MAGI2: variants seen among roughly 807,000 people sequenced by gnomAD.
MAGI2 encodes the protein membrane-associated guanylate kinase, WW and PDZ domain-containing protein 2.
MAGI2 carries 35 observed loss-of-function variants against 133.3 expected under a neutral mutation model. The observed-to-expected ratio is 0.26, with a 90% CI of 0.20 to 0.35. The LOEUF (loss-of-function observed/expected upper bound fraction) is 0.35, where lower values mean the gene tolerates loss of function less well. MAGI2 is among the 10% of genes least tolerant of loss of function. The probability of loss-of-function intolerance (pLI) is 1.00; values close to 1 mark genes in which losing one functional copy is unlikely to be tolerated. For missense variants in MAGI2, 1,636 were observed against 1,863.4 expected (o/e 0.88, Z 2.25); for synonymous variants, 729 against 710.6 (o/e 1.03, Z -0.41).
chr7:79,000,468 A>G (rs1806747238), intron 2 of MAGI2: 1 of 152,168 alleles, frequency 6.6e-6, no homozygotes, highest in Admixed American at 6.5e-5. Context: ...TTTCCCACAA[A>G]GTATACTAGA....
At chr7:79,163,626 G>C (rs1362890205) in intron 1 of MAGI2, among the ~76,000 whole-genome samples, 1 of 152,008 alleles carries the variant, frequency 6.6e-6, no homozygotes, top group Non-Finnish European at 1.5e-5. Context: ...CCTCAAATAA[G>C]ATTTATGATA....
At chr7:78,279,827 A>G (rs13221264) in intron 9 of MAGI2, among the ~76,000 whole-genome samples, 24,509 of 152,146 alleles carry the variant, frequency 0.16, 2,534 homozygotes, top group Middle Eastern at 0.28. Context: ...TCTGGCTCCA[A>G]TAGCAGGATC....
At chr7:79,081,098 C>T (rs1303018333) in intron 1 of MAGI2, among the ~76,000 whole-genome samples, 2 of 152,178 alleles carry the variant, frequency 1.3e-5, no homozygotes, top group African/African-American at 2.4e-5. Flanking sequence ...CAACCCCTGA[C>T]TTACATGCCC....
intron 3 of MAGI2, chr7:78,614,370 A>ATT (rs1806834969): frequency 6.6e-6 from 1 of 152,032 alleles, no homozygotes; most frequent in Admixed American, 6.5e-5. Context: ...ATAAACTTGT[A>ATT]AATTCACATT....
chr7:78,108,195 A>C (rs989727859), intron 20 of MAGI2, among the ~76,000 whole-genome samples: 1 of 152,046 alleles, frequency 6.6e-6, no homozygotes, highest in East Asian at 1.9e-4. Flanking sequence ...TGTTTCAAGA[A>C]ATTTTTTAAT....
chr7:78,999,217 C>A (rs1320946146), intron 2 of MAGI2, among the ~76,000 whole-genome samples: 1 of 151,332 alleles, frequency 6.6e-6, no homozygotes, highest in South Asian at 2.1e-4. Flanking sequence ...TGTGTCACAG[C>A]AGCAGAAAAG....
intron 16 of MAGI2, among the ~76,000 whole-genome samples, chr7:78,143,061 T>G (rs546923976): frequency 2.6e-5 from 4 of 152,192 alleles, no homozygotes; most frequent in Non-Finnish European, 4.4e-5. Context: ...GAAAAAGATA[T>G]GTATTTCCAT....
At chr7:78,844,414 C>T (rs1792408794) in intron 2 of MAGI2, among the ~76,000 whole-genome samples, 1 of 151,898 alleles carries the variant, frequency 6.6e-6, no homozygotes, top group Non-Finnish European at 1.5e-5. Flanking sequence ...AAATGACTAT[C>T]AGCTAATGAA....
At chr7:78,979,545 T>C (rs561333961) in intron 2 of MAGI2, among the ~76,000 whole-genome samples, 83 of 151,892 alleles carry the variant, frequency 5.5e-4, no homozygotes, top group African/African-American at 1.9e-3. Flanking sequence ...GCTCACAAAG[T>C]TATTCAAACA....
At position 78,018,663 on chromosome 7, in the gene MAGI2, C is replaced by T. The variant is rs1367455959; in HGVS notation, c.*652G>A. The T allele has an allele frequency of 6.5e-6, 1 of 152,878 alleles. No individual in the cohort carries two copies. The highest frequency in any genetic ancestry group is 2.4e-5 in the African/African-American group (1 of 41,412). The allele number at this position is 152,878 out of a possible 1,614,324, so 9.5% of individuals were successfully genotyped here. Reference sequence around the variant, plus strand: ...AGAAAGGGCAATAAAAATGGCATCACACCAAGAAACTCACTAGATTTCTAA... The same window carrying T: ...AGAAAGGGCAATAAAAATGGCATCATACCAAGAAACTCACTAGATTTCTAA... On this transcript the variant is annotated 3_prime_UTR_variant, in exon 22 of 22. Coordinates refer to ENST00000354212, the MANE Select transcript of MAGI2 (RefSeq NM_012301.4).
intron 1 of MAGI2, among the ~76,000 whole-genome samples, chr7:79,322,036 C>A (rs1839221753): frequency 6.6e-6 from 1 of 151,898 alleles, no homozygotes; most frequent in African/African-American, 2.4e-5. Flanking sequence ...CAGAGGGGAC[C>A]TAGAGTACCT....
At chr7:78,507,824 C>T (rs887826431) in intron 4 of MAGI2, among the ~76,000 whole-genome samples, 1 of 152,154 alleles carries the variant, frequency 6.6e-6, no homozygotes, top group Non-Finnish European at 1.5e-5. Flanking sequence ...AGGCACTAAG[C>T]TAGGCAGTGT....
At chr7:78,322,627 G>A (rs1409626822) in intron 9 of MAGI2, among the ~76,000 whole-genome samples, 1 of 152,088 alleles carries the variant, frequency 6.6e-6, no homozygotes, top group Non-Finnish European at 1.5e-5. Flanking sequence ...GGGGGATAGG[G>A]GAGGGATAGC....
chr7:78,988,337 A>T (rs552423490), intron 2 of MAGI2, among the ~76,000 whole-genome samples: 3 of 152,218 alleles, frequency 2.0e-5, no homozygotes, highest in South Asian at 2.1e-4. Flanking sequence ...AATTAAACCC[A>T]ACCCAAACCA....
chr7:79,135,991 GA>G (rs1375575566), intron 1 of MAGI2, among the ~76,000 whole-genome samples: 4 of 36,064 alleles, frequency 1.1e-4, no homozygotes, highest in Non-Finnish European at 2.0e-4. Flanking sequence ...AAGAAAGAAA[GA>G]AAGAAAGAAA....
chr7:79,168,527 C>T (rs1825168577), intron 1 of MAGI2, among the ~76,000 whole-genome samples: 1 of 152,042 alleles, frequency 6.6e-6, no homozygotes, highest in African/African-American at 2.4e-5. Flanking sequence ...TGTATAAGCT[C>T]ATACTCAGGT....
chr7:78,169,260 A>G (rs768262834), intron 14 of MAGI2, among the ~76,000 whole-genome samples: 1 of 152,246 alleles, frequency 6.6e-6, no homozygotes, highest in Non-Finnish European at 1.5e-5. Context: ...TTTCAAACTC[A>G]TGACCAATAG....
At chr7:79,374,044 A>G (rs1020476453) in intron 1 of MAGI2, among the ~76,000 whole-genome samples, 6 of 152,062 alleles carry the variant, frequency 3.9e-5, no homozygotes, top group African/African-American at 1.4e-4. Context: ...TAACTAGGTG[A>G]AAAAACAAGT....
chr7:78,337,064 A>C (rs781687298), intron 9 of MAGI2, among the ~76,000 whole-genome samples: 16 of 152,188 alleles, frequency 1.1e-4, no homozygotes, highest in Non-Finnish European at 1.9e-4. Flanking sequence ...TAAAGAGGGA[A>C]GCTTTTTAAC....
Sources: gnomAD v4.1 joint callset for allele counts (sites outside exome capture counted in the v4.1 genomes callset) on GRCh38, gnomAD v4.1.1 for gene constraint, MANE v1.5 for transcripts, NCBI Gene and HGNC (gene_info 2026-07-23, HGNC 2026-07-21) for gene names.